The following SIL1 variants were observed in gnomAD, a reference collection of about 807,000 sequenced individuals.
SIL1 encodes SIL1 nucleotide exchange factor.
Under a neutral mutation model 49.1 loss-of-function variants are expected in SIL1, and 40 were observed. The ratio of observed to expected loss-of-function variants is 0.81; its 90% CI spans 0.63 to 1.06. SIL1 has a LOEUF of 1.06. Ranked by LOEUF, SIL1 falls within the 50% of genes least tolerant of loss-of-function variation. SIL1 has a pLI of 0.00. For synonymous variants in SIL1, 253 were observed against 250.8 expected (o/e 1.01, Z -0.08); for missense variants, 500 against 572.6 (o/e 0.87, Z 1.29).
chr5:139,081,108 C>A (rs1770063657), intron 3 of SIL1, among the ~76,000 whole-genome samples: 1 of 152,184 alleles, frequency 6.6e-6, no homozygotes, highest in Admixed American at 6.5e-5. Flanking sequence ...AAATTCCTGT[C>A]CTACGACAGA....
intron 7 of SIL1, among the ~76,000 whole-genome samples, chr5:138,997,270 G>A (rs1319411813): frequency 6.6e-6 from 1 of 152,140 alleles, no homozygotes; most frequent in Non-Finnish European, 1.5e-5. Flanking sequence ...TCAGGTCTTA[G>A]ACTTAAGTCT....
intron 1 of SIL1, among the ~76,000 whole-genome samples, chr5:139,149,193 G>A (rs951306939): frequency 6.6e-6 from 1 of 151,922 alleles, no homozygotes; most frequent in Admixed American, 6.5e-5. Context: ...ACACACCCAC[G>A]CCAAAGCCAT....
At chr5:139,165,955 G>A (rs1003158802) in intron 1 of SIL1, among the ~76,000 whole-genome samples, 29 of 151,920 alleles carry the variant, frequency 1.9e-4, no homozygotes, top group Admixed American at 1.2e-3. Context: ...GAGCCACCAC[G>A]CCTGGCCTGT....
At position 138,978,840 on chromosome 5, in the gene SIL1, A is replaced by C. The variant is rs139214152; in HGVS notation, c.768-26956T>G. On this transcript the variant is annotated intron_variant, in intron 7 of 9. Transcript: ENST00000394817. ...CTTGTCTGGACAGCTGTCCATTCAG[A>C]TCCTTTGCCTATTTTTTAATTGGGT... Among the ~76,000 whole-genome samples the C allele has an allele frequency of 2.9e-3, 445 of 152,126 alleles. 2 individuals carry two copies. Among genetic ancestry groups the C allele is most frequent in the African/African-American group, 9.0e-3 (375 of 41,474 alleles).
chr5:139,041,397 A>C (rs1373154961), intron 5 of SIL1, among the ~76,000 whole-genome samples: 1 of 152,226 alleles, frequency 6.6e-6, no homozygotes, highest in African/African-American at 2.4e-5. Flanking sequence ...ATTTAGTTCT[A>C]AAGGATCAGA....
chr5:139,101,836 C>T (rs1770594643), intron 3 of SIL1, among the ~76,000 whole-genome samples: 1 of 152,168 alleles, frequency 6.6e-6, no homozygotes, highest in Non-Finnish European at 1.5e-5. Flanking sequence ...GTATTCTGTT[C>T]TTGCTACCCA....
At chr5:139,095,482 G>A (rs1770438678) in intron 3 of SIL1, among the ~76,000 whole-genome samples, 1 of 152,082 alleles carries the variant, frequency 6.6e-6, no homozygotes, top group Non-Finnish European at 1.5e-5. Flanking sequence ...CGCTGGTCTT[G>A]AACTCCTGGC....
chr5:138,976,310 C>CTTT (rs542941622), intron 7 of SIL1, among the ~76,000 whole-genome samples: 22 of 134,406 alleles, frequency 1.6e-4, no homozygotes, highest in African/African-American at 4.6e-4. Context: ...TATTACCTCT[C>CTTT]TTTTTTTTTT....
intron 7 of SIL1, among the ~76,000 whole-genome samples, chr5:138,999,392 C>T (rs775499265): frequency 6.6e-6 from 1 of 152,172 alleles, no homozygotes; most frequent in Non-Finnish European, 1.5e-5. Flanking sequence ...GATGGCCAAG[C>T]CTGTAATCTC....
chr5:139,148,734 A>G (rs1327180129), intron 1 of SIL1, among the ~76,000 whole-genome samples: 1 of 152,210 alleles, frequency 6.6e-6, no homozygotes, highest in East Asian at 1.9e-4. Flanking sequence ...TCACTCTTAC[A>G]ACAAGGGCCC....
At chr5:139,071,954 C>G (rs965126570) in intron 3 of SIL1, among the ~76,000 whole-genome samples, 2 of 152,070 alleles carry the variant, frequency 1.3e-5, no homozygotes, top group Admixed American at 6.6e-5. Flanking sequence ...CATGAGCCAC[C>G]GCTCCTGGCA....
chr5:138,975,513 G>C lies in SIL1; in HGVS notation c.768-23629C>G, dbSNP rs145621824. ...GTGGGGTCTCCTTCCACAGTGCCTA[G>C]GACAGAGTCCCCAGATACTAGGTGT... On this transcript the variant is annotated intron_variant, in intron 7 of 9. Coordinates refer to ENST00000394817, the MANE Select transcript of SIL1 (RefSeq NM_022464.5). Among the ~76,000 whole-genome samples the C allele has an allele frequency of 4.3e-4, 65 of 152,290 alleles. 1 individual carries two copies. The East Asian group carries it at 0.011, about 27-fold the overall frequency.
At position 138,991,883 on chromosome 5, in the gene SIL1, T is replaced by C. The variant is rs1767768031; in HGVS notation, c.767+29288A>G. Reference sequence around the variant, plus strand: ...TCCAGAAGGGGCTTGATCCAAAAAATGGACCATAGCAGCAGAGTTTAGAAG... The same window carrying C: ...TCCAGAAGGGGCTTGATCCAAAAAACGGACCATAGCAGCAGAGTTTAGAAG... On this transcript the variant is annotated intron_variant, in intron 7 of 9. Coordinates refer to ENST00000394817, the MANE Select transcript of SIL1 (RefSeq NM_022464.5). 2.0e-5 allele frequency among the ~76,000 whole-genome samples: 3 copies of C among 152,228 alleles called. No individual in the cohort carries two copies. In the South Asian group the frequency reaches 6.2e-4, roughly 32 times the overall value.
intron 7 of SIL1, among the ~76,000 whole-genome samples, chr5:139,001,151 T>C (rs1343040517): frequency 6.6e-6 from 1 of 152,086 alleles, no homozygotes; most frequent in Non-Finnish European, 1.5e-5. Context: ...TGAGATACTA[T>C]ACCATACCCA....
At chr5:139,144,813 G>C (rs1336664038) in intron 1 of SIL1, among the ~76,000 whole-genome samples, 1 of 152,108 alleles carries the variant, frequency 6.6e-6, no homozygotes, top group Non-Finnish European at 1.5e-5. Context: ...GGAGGTTGCA[G>C]TGAGCTGAGA....
intron 3 of SIL1, among the ~76,000 whole-genome samples, chr5:139,098,309 T>C (rs111760607): frequency 0.012 from 1,882 of 152,250 alleles, 39 homozygotes; most frequent in African/African-American, 0.043. Context: ...GTAAACTCAT[T>C]TTTGACAAAG....
chr5:139,175,888 GGGAGGT>G (rs1751871429), intron 1 of SIL1, among the ~76,000 whole-genome samples: 1 of 152,206 alleles, frequency 6.6e-6, no homozygotes, highest in South Asian at 2.1e-4. Context: ...ATTTGAACCC[GGGAGGT>G]GGAGGTTGCA....
chr5:139,013,132 G>T (rs1477442714), intron 7 of SIL1, among the ~76,000 whole-genome samples: 1 of 152,062 alleles, frequency 6.6e-6, no homozygotes, highest in African/African-American at 2.4e-5. Flanking sequence ...TTTGCTGATT[G>T]CAAGTCTATT....
At chr5:138,970,315 T>A (rs981851853) in intron 7 of SIL1, among the ~76,000 whole-genome samples, 2 of 152,148 alleles carry the variant, frequency 1.3e-5, no homozygotes, top group African/African-American at 4.8e-5. Context: ...AAGCACCCAA[T>A]GTGTGCAAAG....
Sources: gnomAD v4.1 joint callset for allele counts (sites outside exome capture counted in the v4.1 genomes callset) on GRCh38, gnomAD v4.1.1 for gene constraint, MANE v1.5 for transcripts, NCBI Gene and HGNC (gene_info 2026-07-23, HGNC 2026-07-21) for gene names.